Variants in GARRE1 observed in about 807,000 individuals in gnomAD.
GARRE1 encodes granule associated Rac and RHOG effector 1, also known as granule associated Rac and RHOG effector protein 1.
In GARRE1, 49 loss-of-function variants were observed where a neutral mutation model predicts 103.2. The ratio of observed to expected loss-of-function variants is 0.47; its 90% CI spans 0.38 to 0.60. The LOEUF (loss-of-function observed/expected upper bound fraction) is 0.60. GARRE1 is among the 20% of genes least tolerant of loss of function. The pLI is 0.00. For synonymous variants in GARRE1, 505 were observed against 532.8 expected, an observed-to-expected ratio of 0.95 and a Z score of 0.72; for missense variants, 1,199 against 1,370.5, an observed-to-expected ratio of 0.87 and a Z score of 1.98.
At chr19:34,259,154 C>T (rs1025632098) in intron 1 of GARRE1, among the ~76,000 whole-genome samples, 13 of 152,224 alleles carry the variant, frequency 8.5e-5, no homozygotes, top group East Asian at 3.9e-4. Context: ...AGCAACAGAG[C>T]GAGACCCTGT....
chr19:34,279,829 C>A (rs895012914), intron 1 of GARRE1, among the ~76,000 whole-genome samples: 1 of 151,106 alleles, frequency 6.6e-6, no homozygotes, highest in Non-Finnish European at 1.5e-5. Context: ...ACTAAAAATA[C>A]AAAAAATTAG....
intron 2 of GARRE1, among the ~76,000 whole-genome samples, chr19:34,306,538 AC>A (rs2074008230): frequency 6.6e-6 from 1 of 152,116 alleles, no homozygotes; most frequent in South Asian, 2.1e-4. Flanking sequence ...TCCAGTCTAT[AC>A]TCACCAGTGA....
At chr19:34,284,818 A>G (rs1434737729) in intron 1 of GARRE1, among the ~76,000 whole-genome samples, 1 of 152,238 alleles carries the variant, frequency 6.6e-6, no homozygotes, top group Non-Finnish European at 1.5e-5. Flanking sequence ...TTAGCCTGAC[A>G]GGCAGATAAA....
chr19:34,335,980 A>T (rs536676538), intron 8 of GARRE1, among the ~76,000 whole-genome samples: 4 of 151,988 alleles, frequency 2.6e-5, no homozygotes, highest in South Asian at 2.1e-4. Flanking sequence ...TTATTTTTTT[A>T]AATTATTATT....
At chr19:34,319,806 A>G in intron 2 of GARRE1, 101 bp from the exon 3 acceptor site, 1 of 970,626 alleles carries the variant, frequency 1.0e-6, no homozygotes, top group Non-Finnish European at 1.6e-6. Flanking sequence ...TTGGATTTCC[A>G]GTTAACTATT....
intron 1 of GARRE1, among the ~76,000 whole-genome samples, chr19:34,262,345 G>C (rs951668016): frequency 1.5e-5 from 2 of 130,606 alleles, no homozygotes; most frequent in African/African-American, 2.9e-5. Context: ...ACCCAGGCTG[G>C]AATGCAGTAG....
intron 2 of GARRE1, among the ~76,000 whole-genome samples, chr19:34,304,898 TCTC>T (rs2074000547): frequency 6.6e-6 from 1 of 151,530 alleles, no homozygotes; most frequent in Non-Finnish European, 1.5e-5. Context: ...TTCACGCTGT[TCTC>T]CTGCCTCAGC....
intron 2 of GARRE1, among the ~76,000 whole-genome samples, chr19:34,308,682 T>A (rs1352160879): frequency 1.3e-5 from 2 of 152,234 alleles, no homozygotes; most frequent in African/African-American, 4.8e-5. Context: ...ACCCTTTGAC[T>A]TTGATTTGTC....
chr19:34,260,742 G>A (rs1259875155), intron 1 of GARRE1, among the ~76,000 whole-genome samples: 1 of 152,192 alleles, frequency 6.6e-6, no homozygotes, highest in Non-Finnish European at 1.5e-5. Context: ...AAAGATATAA[G>A]TCAAAAGATA....
chr19:34,331,030 G>A (rs1284460296), intron 7 of GARRE1, among the ~76,000 whole-genome samples: 1 of 151,514 alleles, frequency 6.6e-6, no homozygotes, highest in Non-Finnish European at 1.5e-5. Flanking sequence ...TTCCCGAGTA[G>A]CTGGGACTAC....
At chr19:34,319,303 A>G (rs1231656777) in intron 2 of GARRE1, among the ~76,000 whole-genome samples, 1 of 152,182 alleles carries the variant, frequency 6.6e-6, no homozygotes, top group East Asian at 1.9e-4. Context: ...ATGGGTTTCT[A>G]CTGTACTCAT....
At chr19:34,319,370 G>C (rs1568305278) in intron 2 of GARRE1, among the ~76,000 whole-genome samples, 1 of 152,096 alleles carries the variant, frequency 6.6e-6, no homozygotes, top group Non-Finnish European at 1.5e-5. Flanking sequence ...TGTCAGCTTT[G>C]TTTCCTAAGA....
At chr19:34,260,252 T>G (rs1345241384) in intron 1 of GARRE1, among the ~76,000 whole-genome samples, 1 of 152,244 alleles carries the variant, frequency 6.6e-6, no homozygotes, top group Non-Finnish European at 1.5e-5. Context: ...TTTTTAGTAA[T>G]GAAGTATTTT....
intron 2 of GARRE1, among the ~76,000 whole-genome samples, chr19:34,302,398 A>G (rs1397735771): frequency 1.4e-5 from 2 of 143,224 alleles, no homozygotes; most frequent in Non-Finnish European, 1.5e-5. Flanking sequence ...GGTTCAAGCA[A>G]TTCTCTGCCT....
chr19:34,279,984 CAAAAAA>C (rs34044474), intron 1 of GARRE1, among the ~76,000 whole-genome samples: 1 of 67,926 alleles, frequency 1.5e-5, no homozygotes, highest in Admixed American at 1.6e-4. Flanking sequence ...GACTCCGTCT[CAAAAAA>C]AAAAAAAAAA....
At chr19:34,304,097 T>A (rs36117524) in intron 2 of GARRE1, among the ~76,000 whole-genome samples, 104 of 16,934 alleles carry the variant, frequency 6.1e-3, no homozygotes, top group Middle Eastern at 0.071. Context: ...ATCTTTGTAA[T>A]TTTTTTTTTT....
chr19:34,297,307 T>C (rs2073952652), intron 1 of GARRE1, among the ~76,000 whole-genome samples: 1 of 152,060 alleles, frequency 6.6e-6, no homozygotes, highest in Admixed American at 6.6e-5. Flanking sequence ...AATATTTTGA[T>C]AAAAATTGTG....
intron 1 of GARRE1, among the ~76,000 whole-genome samples, chr19:34,273,851 G>A (rs1423953841): frequency 7.2e-5 from 11 of 152,288 alleles, no homozygotes; most frequent in Admixed American, 6.5e-5. Context: ...TGGCGAGAAG[G>A]AAGATGGCAC....
At chr19:34,343,015 C>G (rs906574937) in intron 10 of GARRE1, among the ~76,000 whole-genome samples, 1 of 151,436 alleles carries the variant, frequency 6.6e-6, no homozygotes, top group Non-Finnish European at 1.5e-5. Context: ...GGGGGAAAAG[C>G]CAAAAATAAG....
Sources: gnomAD v4.1 joint callset for allele counts (sites outside exome capture counted in the v4.1 genomes callset) on GRCh38, gnomAD v4.1.1 for gene constraint, MANE v1.5 for transcripts, NCBI Gene and HGNC (gene_info 2026-07-23, HGNC 2026-07-21) for gene names.